Variants in PTPN4 observed in about 807,000 individuals in gnomAD.
The protein encoded by PTPN4 is protein tyrosine phosphatase non-receptor type 4, also known as tyrosine-protein phosphatase non-receptor type 4.
Under a neutral mutation model 135.5 loss-of-function variants are expected in PTPN4, and 49 were observed. That is an observed-to-expected ratio of 0.36 (90% CI 0.29 to 0.46). The LOEUF (loss-of-function observed/expected upper bound fraction) is 0.46, where lower values mean the gene tolerates loss of function less well. Among genes scored for constraint, PTPN4 ranks in the 20% least tolerant of loss-of-function variants. The pLI is 1.00. For synonymous variants in PTPN4, 333 were observed against 369.9 expected (o/e 0.90, Z 1.14); for missense variants, 860 against 1,101.0 (o/e 0.78, Z 3.10).
At chr2:119,949,823 A>G (rs1679187011) in intron 18 of PTPN4, among the ~76,000 whole-genome samples, 1 of 152,082 alleles carries the variant, frequency 6.6e-6, no homozygotes, top group Non-Finnish European at 1.5e-5. Flanking sequence ...AGCCTAAGCA[A>G]CAGAGCAAGA....
intron 15 of PTPN4, among the ~76,000 whole-genome samples, chr2:119,941,875 C>T (rs1558770303): frequency 2.0e-5 from 3 of 152,042 alleles, no homozygotes; most frequent in South Asian, 2.1e-4. Flanking sequence ...GCAAGTAGCA[C>T]GGGATGGAGA....
At chr2:119,924,266 A>G (rs1334748139) in intron 12 of PTPN4, among the ~76,000 whole-genome samples, 3 of 151,182 alleles carry the variant, frequency 2.0e-5, no homozygotes, top group African/African-American at 4.9e-5. Flanking sequence ...TTTTTTTAAT[A>G]TGAATGGCAG....
intron 5 of PTPN4, among the ~76,000 whole-genome samples, 190 bp downstream of exon 5, chr2:119,877,732 T>C (rs1346707820): frequency 6.6e-6 from 1 of 152,100 alleles, no homozygotes; most frequent in African/African-American, 2.4e-5. Context: ...TGTAAGGGGA[T>C]TTAGAACCTC....
rs55911315 is a variant in PTPN4, at chr2:119,914,248, A to ATTTTTTTTTTTTT, written c.765-915_765-903dup. 1.6e-3 allele frequency among the ~76,000 whole-genome samples: 155 copies of ATTTTTTTTTTTTT among 97,398 alleles called. 13 individuals carry two copies. The highest frequency in any genetic ancestry group is 8.4e-3 in the African/African-American group (144 of 17,042). The allele number at this position is 97,398 out of a possible 152,430, so 63.9% of individuals were successfully genotyped here. A position where few individuals can be genotyped will look rare whatever the true frequency, so the allele number is the denominator to read the frequency against. On this transcript the variant is annotated intron_variant, in intron 10 of 26. Coordinates refer to ENST00000263708, the MANE Select transcript of PTPN4 (RefSeq NM_002830.4). ...CATAAATACAGTCAATAGTTACTCAATTTTTTTTTTTTTTTTTTTTTTTTT... is the reference window on the plus strand; with the variant it reads ...CATAAATACAGTCAATAGTTACTCAATTTTTTTTTTTTTTTTTTTTTTTTTTTTTTTTTTTTTT...
At chr2:119,775,752 T>G (rs1690823043) in intron 1 of PTPN4, among the ~76,000 whole-genome samples, 1 of 152,192 alleles carries the variant, frequency 6.6e-6, no homozygotes, top group Non-Finnish European at 1.5e-5. Flanking sequence ...GTGCATGACT[T>G]CACAGGATTT....
intron 12 of PTPN4, among the ~76,000 whole-genome samples, chr2:119,926,334 C>G (rs1207334654): frequency 1.3e-5 from 2 of 152,144 alleles, no homozygotes; most frequent in African/African-American, 2.4e-5. Flanking sequence ...TAGTTCCTTC[C>G]TCTAAACAAA....
At chr2:119,801,770 T>C (rs1253907963) in intron 1 of PTPN4, among the ~76,000 whole-genome samples, 1 of 152,206 alleles carries the variant, frequency 6.6e-6, no homozygotes, top group African/African-American at 2.4e-5. Context: ...CTGAACTTAC[T>C]TATTAGTTCT....
chr2:119,764,060 A>G (rs967858597), intron 1 of PTPN4, among the ~76,000 whole-genome samples: 30 of 152,334 alleles, frequency 2.0e-4, no homozygotes, highest in African/African-American at 5.3e-4. Flanking sequence ...GTAGCATTCA[A>G]TATTCACAAG....
At chr2:119,905,026 TTATTA>T (rs1678465004) in intron 10 of PTPN4, among the ~76,000 whole-genome samples, 1 of 117,144 alleles carries the variant, frequency 8.5e-6, no homozygotes, top group African/African-American at 2.9e-5. Context: ...GAGTCAAAGG[TTATTA>T]CTACAAAAAA....
chr2:119,984,605 A>C lies in PTPN4; in HGVS notation c.*7535A>C, dbSNP rs1679738791. ...CACTCTGCATTTGTCACTGCAGCTT[A>C]CTGTATGCTTGAAAGGCCTTGTGTG... On this transcript the variant is annotated 3_prime_UTR_variant, in exon 27 of 27. Coordinates refer to ENST00000263708, the MANE Select transcript of PTPN4 (RefSeq NM_002830.4). Among the ~76,000 whole-genome samples, 1 of 152,220 alleles carries C rather than the reference A, an allele frequency of 6.6e-6. No individual in the cohort carries two copies. The highest frequency in any genetic ancestry group is 2.1e-4 in the South Asian group (1 of 4,834).
At chr2:119,955,708 C>T (rs1034934812) in intron 20 of PTPN4, among the ~76,000 whole-genome samples, 16 of 151,974 alleles carry the variant, frequency 1.1e-4, no homozygotes, top group East Asian at 3.9e-4. Flanking sequence ...GAGGCCGAGG[C>T]GGGCGGATCA....
chr2:119,837,829 G>A (rs905624505), intron 2 of PTPN4, among the ~76,000 whole-genome samples: 2 of 152,246 alleles, frequency 1.3e-5, no homozygotes, highest in African/African-American at 4.8e-5. Flanking sequence ...GCCCGCATCG[G>A]AAGTCTCGTG....
intron 10 of PTPN4, among the ~76,000 whole-genome samples, chr2:119,907,493 A>G (rs1204377340): frequency 6.6e-6 from 1 of 151,986 alleles, no homozygotes; most frequent in African/African-American, 2.4e-5. Context: ...AGTCCTAGCT[A>G]CTCCGGAAGC....
At chr2:119,849,198 C>G (rs1677553882) in intron 2 of PTPN4, among the ~76,000 whole-genome samples, 2 of 152,274 alleles carry the variant, frequency 1.3e-5, no homozygotes, top group African/African-American at 2.4e-5. Flanking sequence ...CATGTAGGCC[C>G]TCTCACGAGC....
chr2:119,976,173 A>G (rs1387593457), intron 26 of PTPN4, among the ~76,000 whole-genome samples: 1 of 151,284 alleles, frequency 6.6e-6, no homozygotes. Context: ...TTTTTTTTGT[A>G]TTTTTAGTAG....
chr2:119,902,645 T>A (rs1338814231), intron 10 of PTPN4, among the ~76,000 whole-genome samples: 1 of 152,132 alleles, frequency 6.6e-6, no homozygotes, highest in Non-Finnish European at 1.5e-5. Flanking sequence ...ACAGGGAACC[T>A]CTGAGACACA....
rs779045976 is a variant in PTPN4 at position 119,843,218 on chromosome 2, CTTTTTTT to C, written c.139-19304_139-19298del. ...CTGCCAAGAATTGGTATGCATTTTT[CTTTTTTT>C]TTTTTTTTTTTTTGCACCGCCCTTA... On this transcript the variant is annotated intron_variant, in intron 2 of 26. Transcript: ENST00000263708. Among the ~76,000 whole-genome samples, 201 of 107,296 alleles carry C rather than the reference CTTTTTTT, an allele frequency of 1.9e-3. 2 individuals carry two copies. Among genetic ancestry groups the C allele is most frequent in the Admixed American group, 3.6e-3 (37 of 10,224 alleles). The allele number at this position is 107,296 out of a possible 152,430, so 70.4% of individuals were successfully genotyped here.
chr2:119,902,905 C>G (rs921589877), intron 10 of PTPN4, among the ~76,000 whole-genome samples: 1 of 152,136 alleles, frequency 6.6e-6, no homozygotes, highest in African/African-American at 2.4e-5. Flanking sequence ...CTACACACCC[C>G]CTAAGACCCA....
intron 26 of PTPN4, among the ~76,000 whole-genome samples, chr2:119,976,739 A>G (rs1019896049): frequency 7.2e-5 from 11 of 152,190 alleles, no homozygotes; most frequent in Admixed American, 5.9e-4. Context: ...ATTCCCCTTT[A>G]TAGAGGCTGC....
Sources: gnomAD v4.1 joint callset for allele counts (sites outside exome capture counted in the v4.1 genomes callset) on GRCh38, gnomAD v4.1.1 for gene constraint, MANE v1.5 for transcripts, NCBI Gene and HGNC (gene_info 2026-07-23, HGNC 2026-07-21) for gene names.